The following TMX4 variants were observed in gnomAD, a reference collection of about 807,000 sequenced individuals.
TMX4 encodes the protein thioredoxin-related transmembrane protein 4.
Under a neutral mutation model 33.3 loss-of-function variants are expected in TMX4, and 23 were observed. The observed-to-expected ratio is 0.69, with a 90% CI of 0.50 to 0.98. TMX4 has a LOEUF of 0.98. TMX4 is among the 50% of genes least tolerant of loss of function. The pLI is 0.00. For synonymous variants in TMX4, 164 were observed against 161.5 expected, an observed-to-expected ratio of 1.02 and a Z score of -0.12; for missense variants, 399 against 448.9, an observed-to-expected ratio of 0.89 and a Z score of 1.01.
chr20:8,002,513 TAAGTA>T (rs1210681987), intron 2 of TMX4, among the ~76,000 whole-genome samples: 1 of 152,086 alleles, frequency 6.6e-6, no homozygotes, highest in Non-Finnish European at 1.5e-5. Flanking sequence ...GCACCAAGAA[TAAGTA>T]AAGAGAATGA....
chr20:7,989,679 T>A (rs945433342), intron 5 of TMX4, among the ~76,000 whole-genome samples: 3 of 152,208 alleles, frequency 2.0e-5, no homozygotes, highest in Non-Finnish European at 4.4e-5. Flanking sequence ...TATTTATCTG[T>A]CTACTTTGTC....
At chr20:7,996,846 A>C (rs975913028) in intron 4 of TMX4, among the ~76,000 whole-genome samples, 2 of 152,114 alleles carry the variant, frequency 1.3e-5, no homozygotes, top group African/African-American at 2.4e-5. Flanking sequence ...CCAGCTTCAC[A>C]GATAAATTTC....
At chr20:7,987,858 T>C (rs2050637532) in intron 5 of TMX4, among the ~76,000 whole-genome samples, 1 of 152,200 alleles carries the variant, frequency 6.6e-6, no homozygotes, top group Non-Finnish European at 1.5e-5. Context: ...TCTACACCTA[T>C]TCATCCTTTC....
At chr20:7,991,697 G>C (rs1713086083) in intron 5 of TMX4, among the ~76,000 whole-genome samples, 1 of 152,150 alleles carries the variant, frequency 6.6e-6, no homozygotes, top group South Asian at 2.1e-4. Context: ...TGGCTATAAA[G>C]AGAAGGAAAA....
intron 2 of TMX4, among the ~76,000 whole-genome samples, chr20:8,006,248 G>T (rs117928528): frequency 6.6e-6 from 1 of 152,134 alleles, no homozygotes; most frequent in Non-Finnish European, 1.5e-5. Context: ...AACTTTTCTC[G>T]TTTCATTGAT....
At chr20:7,986,286 AG>A (rs1462796216) in intron 6 of TMX4, among the ~76,000 whole-genome samples, 1 of 152,216 alleles carries the variant, frequency 6.6e-6, no homozygotes, top group Non-Finnish European at 1.5e-5. Flanking sequence ...TCAGGAGCCA[AG>A]TTTCAAAGAT....
chr20:7,985,028 TATC>T (rs1047758578), intron 6 of TMX4, among the ~76,000 whole-genome samples: 3 of 152,202 alleles, frequency 2.0e-5, no homozygotes, highest in African/African-American at 7.2e-5. Context: ...AACACTTTTC[TATC>T]ATCCTAGAAG....
At chr20:7,991,898 A>G (rs1365197158) in intron 5 of TMX4, among the ~76,000 whole-genome samples, 1 of 149,776 alleles carries the variant, frequency 6.7e-6, no homozygotes, top group African/African-American at 2.5e-5. Flanking sequence ...TGTTTCTGGA[A>G]GAGAAGGATA....
chr20:8,010,156 A>G (rs1390469509), intron 2 of TMX4, 44 bp downstream of exon 2: 3 of 1,539,850 alleles, frequency 1.9e-6, no homozygotes, highest in African/African-American at 2.8e-5. Context: ...TTCAAAATAA[A>G]AAGTCGGTAA....
chr20:7,993,971 A>G (rs1260033877), intron 5 of TMX4, among the ~76,000 whole-genome samples: 3 of 152,130 alleles, frequency 2.0e-5, no homozygotes, highest in Non-Finnish European at 4.4e-5. Context: ...ACTTTTTATA[A>G]GATTTATTTA....
At chr20:7,986,132 G>A (rs1033949941) in intron 6 of TMX4, among the ~76,000 whole-genome samples, 2 of 152,096 alleles carry the variant, frequency 1.3e-5, no homozygotes, top group East Asian at 1.9e-4. Flanking sequence ...ATTTATATCC[G>A]GTGTCAAATC....
chr20:8,019,081 TCTC>T (rs1395343534), intron 1 of TMX4: 2 of 474,066 alleles, frequency 4.2e-6, no homozygotes, highest in African/African-American at 4.0e-5. Context: ...TTCCTTCCCT[TCTC>T]CTCCCTATGG....
chr20:8,013,261 G>A (rs369891883), intron 1 of TMX4, among the ~76,000 whole-genome samples: 28 of 152,102 alleles, frequency 1.8e-4, no homozygotes, highest in African/African-American at 6.5e-4. Context: ...CTTCTCCTAA[G>A]AACTATAAAA....
Position 8,003,258 on chromosome 20 carries a change from T to C in TMX4, c.293-1717A>G, listed in dbSNP as rs190612667. On this transcript the variant is annotated intron_variant, in intron 2 of 7. Transcript: ENST00000246024. The stretch of plus-strand genomic sequence containing the variant: ...AGCCAAAAATTTTATCTAAAGACAG[T>C]TACGGTATTAAGAATGTATATTTCA... 3.3e-5 allele frequency among the ~76,000 whole-genome samples: 5 copies of C among 152,292 alleles called. No individual in the cohort carries two copies. The East Asian group carries it at 9.6e-4, about 29-fold the overall frequency.
chr20:8,011,919 C>G (rs752469411), intron 1 of TMX4, among the ~76,000 whole-genome samples: 3 of 152,108 alleles, frequency 2.0e-5, no homozygotes, highest in Admixed American at 6.5e-5. Context: ...ACCTTCGTGT[C>G]TCTGTATTTC....
At position 7,987,402 on chromosome 20, in the gene TMX4, GA is replaced by G; in HGVS notation, c.514-14del. ...AGTTGTGAAGATGCTGGAATCAGAA[GA>G]AAAAAAATAAAACATTAATTTTTAA... On this transcript the variant is annotated splice_polypyrimidine_tract_variant and intron_variant, in intron 5 of 7. Transcript: ENST00000246024. The G allele has an allele frequency of 9.1e-6, 14 of 1,544,858 alleles. No homozygotes were observed. Among genetic ancestry groups the G allele is most frequent in the Admixed American group, 4.6e-5 (2 of 43,048 alleles).
chr20:8,019,411 G>A, intron 1 of TMX4, 27 bp downstream of exon 1: 1 of 1,510,486 alleles, frequency 6.6e-7, no homozygotes, highest in South Asian at 1.2e-5. Flanking sequence ...GGACACTGCG[G>A]CGTCCGGGGC....
intron 7 of TMX4, among the ~76,000 whole-genome samples, chr20:7,983,050 C>A (rs1411818925): frequency 1.3e-5 from 2 of 152,172 alleles, no homozygotes; most frequent in African/African-American, 4.8e-5. Context: ...TGCGCAAGGA[C>A]TATCAACAGC....
chr20:7,999,270 C>G (rs1348050395), intron 4 of TMX4, among the ~76,000 whole-genome samples: 3 of 152,158 alleles, frequency 2.0e-5, no homozygotes, highest in Non-Finnish European at 2.9e-5. Context: ...GCCGTCAAGG[C>G]CAAAGCTATC....
Sources: gnomAD v4.1 joint callset for allele counts (sites outside exome capture counted in the v4.1 genomes callset) on GRCh38, gnomAD v4.1.1 for gene constraint, MANE v1.5 for transcripts, NCBI Gene and HGNC (gene_info 2026-07-23, HGNC 2026-07-21) for gene names.